Variants in PARD3B observed in about 807,000 individuals in gnomAD.
PARD3B encodes the protein partitioning defective 3 homolog B.
In PARD3B, 103 loss-of-function variants were observed where a neutral mutation model predicts 130.2. The ratio of observed to expected loss-of-function variants is 0.79; its 90% CI spans 0.67 to 0.93. PARD3B has a LOEUF of 0.93. Among genes scored for constraint, PARD3B ranks in the 40% least tolerant of loss-of-function variants. The pLI is 0.00. For synonymous variants in PARD3B, 583 were observed against 553.2 expected, an observed-to-expected ratio of 1.05 and a Z score of -0.76; for missense variants, 1,609 against 1,499.2, an observed-to-expected ratio of 1.07 and a Z score of -1.21.
chr2:205,506,626 A>G (rs1030013286), intron 21 of PARD3B, among the ~76,000 whole-genome samples: 2 of 152,226 alleles, frequency 1.3e-5, no homozygotes, highest in South Asian at 2.1e-4. Context: ...GGAATGTGCA[A>G]TAGCCAAAGA....
intron 2 of PARD3B, among the ~76,000 whole-genome samples, chr2:204,757,823 G>A (rs2040743793): frequency 1.3e-5 from 2 of 152,060 alleles, no homozygotes; most frequent in African/African-American, 2.4e-5. Flanking sequence ...CTTGGCAGAA[G>A]AACAGAAATA....
chr2:205,356,854 A>G (rs1009765594), intron 18 of PARD3B, among the ~76,000 whole-genome samples: 3 of 150,694 alleles, frequency 2.0e-5, no homozygotes, highest in Non-Finnish European at 3.0e-5. Flanking sequence ...TTGCGCCATT[A>G]TACTCCAGCC....
intron 2 of PARD3B, among the ~76,000 whole-genome samples, chr2:204,810,304 G>C (rs1461425181): frequency 6.6e-6 from 1 of 152,012 alleles, no homozygotes; most frequent in African/African-American, 2.4e-5. Context: ...GATAAGATAG[G>C]GCATTCTTGT....
intron 10 of PARD3B, among the ~76,000 whole-genome samples, chr2:205,155,756 G>T (rs2034079822): frequency 1.3e-5 from 2 of 152,062 alleles, no homozygotes; most frequent in African/African-American, 4.8e-5. Context: ...GTGTGAGATG[G>T]TATCTCATTG....
intron 1 of PARD3B, among the ~76,000 whole-genome samples, chr2:204,555,340 C>T (rs2030845889): frequency 6.6e-6 from 1 of 152,128 alleles, no homozygotes; most frequent in Admixed American, 6.5e-5. Flanking sequence ...GGCGAATCAC[C>T]TGAGCTCAGG....
chr2:205,033,665 C>T (rs757660051), intron 3 of PARD3B, among the ~76,000 whole-genome samples: 1 of 152,154 alleles, frequency 6.6e-6, no homozygotes, highest in Non-Finnish European at 1.5e-5. Flanking sequence ...AATATATTAT[C>T]TTATATATCT....
intron 2 of PARD3B, among the ~76,000 whole-genome samples, chr2:204,946,043 G>A (rs984882345): frequency 2.6e-5 from 4 of 152,144 alleles, no homozygotes; most frequent in African/African-American, 9.7e-5. Context: ...TCTATACCTT[G>A]CTTAACAGCT....
intron 3 of PARD3B, among the ~76,000 whole-genome samples, chr2:205,001,522 A>C (rs1280645250): frequency 6.6e-6 from 1 of 152,202 alleles, no homozygotes; most frequent in Non-Finnish European, 1.5e-5. Context: ...ACTCTGACCC[A>C]GTGTGACAGG....
intron 4 of PARD3B, among the ~76,000 whole-genome samples, chr2:205,062,422 C>T (rs917570180): frequency 5.3e-5 from 8 of 152,062 alleles, no homozygotes; most frequent in African/African-American, 1.9e-4. Flanking sequence ...TACCTGTTCC[C>T]TCCTCAGTTC....
At chr2:204,638,351 C>T (rs879068549) in intron 1 of PARD3B, among the ~76,000 whole-genome samples, 5 of 152,146 alleles carry the variant, frequency 3.3e-5, no homozygotes, top group Admixed American at 3.3e-4. Flanking sequence ...TCATCTTCTA[C>T]TTTATGTAAC....
chr2:205,082,574 G>A (rs1223662625), intron 4 of PARD3B, among the ~76,000 whole-genome samples: 2 of 151,944 alleles, frequency 1.3e-5, no homozygotes, highest in East Asian at 1.9e-4. Flanking sequence ...TGTAATTTAT[G>A]TCTTCTCTCT....
In PARD3B at chr2:205,591,175, AG is replaced by A. The variant is rs2054372783; in HGVS notation, c.3261-24280del. 1.5e-5 allele frequency among the ~76,000 whole-genome samples: 2 copies of A among 133,190 alleles called. No individual in the cohort carries two copies. Among genetic ancestry groups the A allele is most frequent in the African/African-American group, 2.8e-5 (1 of 35,214 alleles). 87.4% of individuals were successfully genotyped at this position (133,190 alleles called of 152,430 possible). A position where few individuals can be genotyped will look rare whatever the true frequency, so the allele number is the denominator to read the frequency against. On this transcript the variant is annotated intron_variant, in intron 22 of 22. Transcript: ENST00000406610. This position sits in a 1 kb window ranked among gnomAD's most constrained non-coding sequence, Gnocchi z 4.2. ...ACCAAGGAGTAGCAGTTAGACATCTAGAATATAACTAGGACAAGACAAAAAA... is the reference window on the plus strand; with the variant it reads ...ACCAAGGAGTAGCAGTTAGACATCTAAATATAACTAGGACAAGACAAAAAA...
intron 20 of PARD3B, among the ~76,000 whole-genome samples, chr2:205,484,167 T>C (rs2049350144): frequency 6.6e-6 from 1 of 152,230 alleles, no homozygotes; most frequent in Non-Finnish European, 1.5e-5. Context: ...TCAGTACTCA[T>C]TAATTCTGTA....
chr2:205,541,172 A>C (rs1334221491), intron 21 of PARD3B, among the ~76,000 whole-genome samples: 1 of 152,090 alleles, frequency 6.6e-6, no homozygotes, highest in Non-Finnish European at 1.5e-5. Context: ...TAGGACAGGA[A>C]TTACCTGTAC....
intron 15 of PARD3B, among the ~76,000 whole-genome samples, chr2:205,193,794 C>A (rs2036525312): frequency 1.3e-5 from 2 of 152,162 alleles, no homozygotes; most frequent in African/African-American, 4.8e-5. Flanking sequence ...GGCATCAGTG[C>A]AGAAGATTCA....
chr2:205,288,939 A>C lies in PARD3B; in HGVS notation c.2186-11591A>C, dbSNP rs1333646651. Among the ~76,000 whole-genome samples the C allele has an allele frequency of 1.3e-5, 2 of 152,186 alleles. No individual in the cohort carries two copies. Among genetic ancestry groups the C allele is most frequent in the African/African-American group, 4.8e-5 (2 of 41,444 alleles). On this transcript the variant is annotated intron_variant, in intron 16 of 22. Coordinates refer to ENST00000406610, the MANE Select transcript of PARD3B (RefSeq NM_001302769.2). This position sits in a 1 kb window ranked among gnomAD's most constrained non-coding sequence, Gnocchi z 4.0. ...TCAGCATTCTTGGTACGTGGTTTGCAGAGATACCTGCTGGCCAGTGATCCC... is the reference window on the plus strand; with the variant it reads ...TCAGCATTCTTGGTACGTGGTTTGCCGAGATACCTGCTGGCCAGTGATCCC...
chr2:205,374,460 C>G (rs1485579798), intron 18 of PARD3B, among the ~76,000 whole-genome samples: 2 of 152,022 alleles, frequency 1.3e-5, no homozygotes, highest in Admixed American at 1.3e-4. Context: ...GTCTTGAACC[C>G]CTGACCTCAT....
At chr2:205,398,118 G>T (rs2046097068) in intron 18 of PARD3B, among the ~76,000 whole-genome samples, 1 of 152,120 alleles carries the variant, frequency 6.6e-6, no homozygotes, top group South Asian at 2.1e-4. Flanking sequence ...GGCCAACATG[G>T]TGAAACCCTG....
At chr2:204,886,179 G>A (rs752322388) in intron 2 of PARD3B, among the ~76,000 whole-genome samples, 3 of 152,224 alleles carry the variant, frequency 2.0e-5, no homozygotes, top group Non-Finnish European at 2.9e-5. Context: ...CGGTCATCTA[G>A]TGGATCTTCT....
Sources: gnomAD v4.1 joint callset for allele counts (sites outside exome capture counted in the v4.1 genomes callset) on GRCh38, gnomAD v4.1.1 for gene constraint, Gnocchi (gnomAD v3.1) non-coding constraint, MANE v1.5 for transcripts, NCBI Gene and HGNC (gene_info 2026-07-23, HGNC 2026-07-21) for gene names.